CNTNAP2: variants seen among roughly 807,000 people sequenced by gnomAD.
CNTNAP2 encodes contactin-associated protein-like 2.
Under a neutral mutation model 155.2 loss-of-function variants are expected in CNTNAP2, and 98 were observed. The ratio of observed to expected loss-of-function variants is 0.63; its 90% CI spans 0.54 to 0.75. CNTNAP2 has a LOEUF of 0.75. Among genes scored for constraint, CNTNAP2 ranks in the 30% least tolerant of loss-of-function variants. CNTNAP2 has a pLI of 0.00. For missense variants in CNTNAP2, 1,727 were observed against 1,688.1 expected (o/e 1.02, Z -0.40); for synonymous variants, 651 against 631.2 (o/e 1.03, Z -0.47).
intron 10 of CNTNAP2, among the ~76,000 whole-genome samples, chr7:147,447,148 T>C (rs1341052266): frequency 6.6e-6 from 1 of 152,154 alleles, no homozygotes; most frequent in African/African-American, 2.4e-5. Context: ...AAGGGGCGCT[T>C]ATTTCAACCA....
chr7:147,631,771 A>T (rs1191815442), intron 12 of CNTNAP2, among the ~76,000 whole-genome samples: 2 of 152,172 alleles, frequency 1.3e-5, no homozygotes, highest in Non-Finnish European at 2.9e-5. Flanking sequence ...GATAATTGGC[A>T]AGTCACATGT....
At chr7:146,122,652 CCATTCATT>C (rs10656546) in intron 1 of CNTNAP2, among the ~76,000 whole-genome samples, 364 of 151,126 alleles carry the variant, frequency 2.4e-3, no homozygotes, top group African/African-American at 8.5e-3. Flanking sequence ...CCAAACTCTC[CCATTCATT>C]CATTCATTCA....
intron 3 of CNTNAP2, among the ~76,000 whole-genome samples, chr7:146,984,437 C>G (rs1427982369): frequency 6.6e-6 from 1 of 150,958 alleles, no homozygotes; most frequent in Non-Finnish European, 1.5e-5. Flanking sequence ...TTTCCCTTTC[C>G]TAGTTTTCAC....
intron 1 of CNTNAP2, among the ~76,000 whole-genome samples, chr7:146,436,510 AATAAGGGGAG>A (rs1169938737): frequency 6.6e-6 from 1 of 152,226 alleles, no homozygotes; most frequent in African/African-American, 2.4e-5. Context: ...AAGTAATCAC[AATAAGGGGAG>A]ATAATAGGAA....
Position 147,287,679 on chromosome 7 carries a change from T to G in CNTNAP2, c.1349-12462T>G, listed in dbSNP as rs536093424. Among the ~76,000 whole-genome samples, 10 of 152,186 alleles carry G rather than the reference T, an allele frequency of 6.6e-5. No homozygotes were observed. The East Asian group carries it at 1.9e-3, about 29-fold the overall frequency. On this transcript the variant is annotated intron_variant, in intron 8 of 23. Coordinates refer to ENST00000361727, the MANE Select transcript of CNTNAP2 (RefSeq NM_014141.6). Reference sequence around the variant, plus strand: ...TTCTTGAGCTCCAGACCCAAATATATAACTGCCTACCTGATATCTCTACTT... The same window carrying G: ...TTCTTGAGCTCCAGACCCAAATATAGAACTGCCTACCTGATATCTCTACTT...
intron 15 of CNTNAP2, among the ~76,000 whole-genome samples, chr7:148,072,861 C>T (rs747258144): frequency 3.3e-5 from 5 of 152,160 alleles, no homozygotes; most frequent in East Asian, 1.9e-4. Context: ...GTACCCACCA[C>T]CATACCTGGC....
chr7:148,345,136 G>A (rs1234667920), intron 21 of CNTNAP2, among the ~76,000 whole-genome samples: 1 of 152,134 alleles, frequency 6.6e-6, no homozygotes, highest in Non-Finnish European at 1.5e-5. Flanking sequence ...CTGAAGGAGA[G>A]GGGACTTAGG....
intron 8 of CNTNAP2, among the ~76,000 whole-genome samples, chr7:147,184,539 C>A (rs1802526536): frequency 6.6e-6 from 1 of 152,088 alleles, no homozygotes; most frequent in Non-Finnish European, 1.5e-5. Flanking sequence ...AATGACTGAA[C>A]CAGACTGAAA....
At chr7:147,176,700 A>G (rs1404278252) in intron 8 of CNTNAP2, among the ~76,000 whole-genome samples, 1 of 56,870 alleles carries the variant, frequency 1.8e-5, no homozygotes, top group African/African-American at 4.4e-5. Context: ...AGAATTATAT[A>G]TTATATATAA....
rs374808407 is a variant in CNTNAP2 at position 147,256,268 on chromosome 7, T to A, written c.1349-43873T>A. 3.5e-4 allele frequency among the ~76,000 whole-genome samples: 53 copies of A among 152,178 alleles called. 1 individual carries two copies. In the East Asian group the frequency reaches 3.7e-3, roughly 11 times the overall value. On this transcript the variant is annotated intron_variant, in intron 8 of 23. Coordinates refer to ENST00000361727, the MANE Select transcript of CNTNAP2 (RefSeq NM_014141.6). ...TGTGACCTAGAGGGAGAAAATGAGA[T>A]CTTTCGATTCCCAGAGTGAGAGAGA...
chr7:146,387,344 C>A (rs540420746), intron 1 of CNTNAP2, among the ~76,000 whole-genome samples: 1 of 152,264 alleles, frequency 6.6e-6, no homozygotes, highest in South Asian at 2.1e-4. Context: ...TCAGCTGCCT[C>A]CTGCCCCAGG....
chr7:146,590,558 A>C (rs1260723609), intron 1 of CNTNAP2, among the ~76,000 whole-genome samples: 1 of 152,200 alleles, frequency 6.6e-6, no homozygotes, highest in Non-Finnish European at 1.5e-5. Context: ...AAAATCTGAA[A>C]TTCAAAATGC....
chr7:148,311,712 T>A (rs1456415018), intron 21 of CNTNAP2, among the ~76,000 whole-genome samples: 3 of 151,978 alleles, frequency 2.0e-5, no homozygotes, highest in Non-Finnish European at 4.4e-5. Flanking sequence ...AAATGAGAGG[T>A]TCTAAGAGGC....
intron 1 of CNTNAP2, among the ~76,000 whole-genome samples, chr7:146,415,417 C>CA (rs1213516431): frequency 6.6e-6 from 1 of 152,014 alleles, no homozygotes; most frequent in Non-Finnish European, 1.5e-5. Flanking sequence ...GTTTTTACTT[C>CA]AAAATAATTT....
chr7:148,069,529 G>A (rs560752891), intron 15 of CNTNAP2, among the ~76,000 whole-genome samples: 69 of 152,164 alleles, frequency 4.5e-4, no homozygotes, highest in African/African-American at 1.3e-3. Context: ...TTGGGAGGCC[G>A]AGGCAGGCGG....
intron 10 of CNTNAP2, among the ~76,000 whole-genome samples, chr7:147,475,833 CAT>C (rs1291707860): frequency 5.3e-5 from 8 of 152,164 alleles, no homozygotes; most frequent in Non-Finnish European, 1.2e-4. Context: ...CTTTTTCTCA[CAT>C]GATAGCTGAT....
At chr7:147,555,403 TG>T (rs1197010035) in intron 11 of CNTNAP2, among the ~76,000 whole-genome samples, 1 of 152,176 alleles carries the variant, frequency 6.6e-6, no homozygotes, top group Non-Finnish European at 1.5e-5. Context: ...TCTTATAACC[TG>T]GTCCCTACAG....
chr7:146,284,366 T>A (rs113822940), intron 1 of CNTNAP2, among the ~76,000 whole-genome samples: 3,664 of 151,948 alleles, frequency 0.024, 52 homozygotes, highest in Middle Eastern at 0.051. Flanking sequence ...AATTTCTTTT[T>A]AAATATATTA....
chr7:148,086,624 T>C (rs1369582817), intron 15 of CNTNAP2, among the ~76,000 whole-genome samples: 1 of 152,248 alleles, frequency 6.6e-6, no homozygotes, highest in African/African-American at 2.4e-5. Context: ...CACATTTTTC[T>C]TCTTAGTCTT....
Sources: allele counts gnomAD v4.1 joint callset (sites outside exome capture counted in the v4.1 genomes callset), GRCh38; gene constraint gnomAD v4.1.1; transcripts MANE v1.5; gene names NCBI Gene and HGNC (gene_info 2026-07-23, HGNC 2026-07-21).